The following SI variants were observed in gnomAD, a reference collection of about 807,000 sequenced individuals.
SI encodes sucrase-isomaltase, intestinal.
In SI, 235 loss-of-function variants were observed where a neutral mutation model predicts 253.3. The observed-to-expected ratio is 0.93, with a 90% CI of 0.83 to 1.03. SI has a LOEUF of 1.03. SI is among the 50% of genes least tolerant of loss of function. The pLI is 0.00. For synonymous variants in SI, 819 were observed against 712.0 expected, an observed-to-expected ratio of 1.15 and a Z score of -2.39; for missense variants, 2,442 against 2,211.1, an observed-to-expected ratio of 1.10 and a Z score of -2.09.
chr3:165,049,942 C>G, intron 13 of SI, 67 bp from the exon 14 acceptor site: 1 of 999,186 alleles, frequency 1.0e-6, no homozygotes, highest in Non-Finnish European at 1.6e-6. Flanking sequence ...CAGAAACTCT[C>G]TAGTTGTTTG....
chr3:165,060,839 A>G (rs978382681), intron 9 of SI, among the ~76,000 whole-genome samples: 1 of 146,520 alleles, frequency 6.8e-6, no homozygotes, highest in Admixed American at 6.9e-5. Context: ...ATATATATAC[A>G]TATATATCTG....
chr3:165,079,821 A>G (rs574983609), upstream of SI, among the ~76,000 whole-genome samples: 92 of 151,870 alleles, frequency 6.1e-4, 1 homozygote, highest in Admixed American at 1.2e-3. Flanking sequence ...GTTGATAGAT[A>G]GCTAGATTAT....
chr3:165,059,107 A>G, intron 11 of SI, 25 bp from the exon 12 acceptor site: 1 of 1,586,654 alleles, frequency 6.3e-7, no homozygotes, highest in South Asian at 1.1e-5. Context: ...CAGAAACTGC[A>G]AAATCTATTA....
intron 9 of SI, among the ~76,000 whole-genome samples, chr3:165,060,352 G>T (rs1713926312): frequency 6.6e-6 from 1 of 151,816 alleles, no homozygotes; most frequent in African/African-American, 2.4e-5. Context: ...TACAAGAAAA[G>T]CAACAAATAA....
At chr3:165,046,487 G>A (rs1413868930) in intron 16 of SI, among the ~76,000 whole-genome samples, 1 of 151,712 alleles carries the variant, frequency 6.6e-6, no homozygotes, top group African/African-American at 2.4e-5. Flanking sequence ...ATTTTAAGTA[G>A]ACTTAGACTT....
intron 34 of SI, among the ~76,000 whole-genome samples, chr3:165,010,832 G>A (rs554913070): frequency 6.6e-6 from 1 of 152,252 alleles, no homozygotes; most frequent in South Asian, 2.1e-4. Flanking sequence ...AATTGACACT[G>A]TCCTCCAACA....
chr3:165,010,282 C>T (rs1359914884), intron 34 of SI, among the ~76,000 whole-genome samples: 41 of 152,080 alleles, frequency 2.7e-4, no homozygotes. Context: ...GCCTCAGCCT[C>T]CAGAGTAGGT....
the SI span, among the ~76,000 whole-genome samples, chr3:165,089,015 A>G: frequency 3.2e-4 from 49 of 151,900 alleles, no homozygotes; most frequent in Non-Finnish European, 5.9e-4. Context: ...CCCACATTCA[A>G]ATGAACTTTT....
chr3:164,993,494 G>A (rs1333339602), intron 41 of SI, among the ~76,000 whole-genome samples: 1 of 151,526 alleles, frequency 6.6e-6, no homozygotes, highest in Non-Finnish European at 1.5e-5. Context: ...GTAAATATTT[G>A]CCTTTTTTAA....
intron 47 of SI, among the ~76,000 whole-genome samples, chr3:164,981,795 C>T (rs764810143): frequency 2.1e-4 from 32 of 152,186 alleles, no homozygotes; most frequent in Admixed American, 3.9e-4. Flanking sequence ...GATGCTTTAA[C>T]GCAAGAATCC....
chr3:164,982,145 A>G (rs1717217492), intron 47 of SI, 98 bp downstream of exon 47: 3 of 835,934 alleles, frequency 3.6e-6, no homozygotes. Flanking sequence ...GTCATAATTG[A>G]CTCATAATTA....
chr3:164,999,790 T>C (rs1038013686), intron 37 of SI, among the ~76,000 whole-genome samples: 2 of 151,610 alleles, frequency 1.3e-5, no homozygotes, highest in African/African-American at 4.8e-5. Context: ...AAGTCAAAAG[T>C]GCAAGCAACT....
chr3:165,060,024 C>T lies in SI; in HGVS notation c.1024G>A (p.Val342Ile). 2 of 1,611,354 alleles carry T rather than the reference C, an allele frequency of 1.2e-6. No individual in the cohort carries two copies. Reference protein sequence around the residue: ...EQVVQQYQQLVGLPAMPAYWN... With the variant: ...EQVVQQYQQLIGLPAMPAYWN... Reference sequence around the variant, plus strand: ...TATGCTGGCATTGCTGGTAGTCCAACAAGCTTAAAGTAAATGAGCATGTAA... The same window carrying T: ...TATGCTGGCATTGCTGGTAGTCCAATAAGCTTAAAGTAAATGAGCATGTAA... The change falls in exon 10 of 48, where the codon GTT becomes ATT. Residue 342 changes from valine (V) to isoleucine (I), a missense_variant. Val to Ile is a conservative substitution (Grantham distance 29, BLOSUM62 3). Coordinates refer to ENST00000264382, the MANE Select transcript of SI (RefSeq NM_001041.4).
chr3:165,075,695 G>T (rs1446963569), intron 2 of SI, among the ~76,000 whole-genome samples, 200 bp downstream of exon 2: 1 of 151,850 alleles, frequency 6.6e-6, no homozygotes, highest in Non-Finnish European at 1.5e-5. Flanking sequence ...AAAGCACATG[G>T]ATTCCTTACT....
chr3:165,065,022 A>G (rs1714167650), intron 7 of SI, among the ~76,000 whole-genome samples: 1 of 152,012 alleles, frequency 6.6e-6, no homozygotes, highest in Non-Finnish European at 1.5e-5. Context: ...ATGAAAGTCA[A>G]AATAAAACAT....
intron 27 of SI, among the ~76,000 whole-genome samples, chr3:165,020,259 CTTCCT>C (rs1318092758): frequency 6.6e-6 from 1 of 151,504 alleles, no homozygotes; most frequent in African/African-American, 2.4e-5. Context: ...TTGTGTTTTT[CTTCCT>C]TTATTTTATG....
intron 23 of SI, 79 bp from the exon 24 acceptor site, chr3:165,032,771 A>C: frequency 1.1e-6 from 1 of 928,474 alleles, no homozygotes; most frequent in Non-Finnish European, 1.7e-6. Flanking sequence ...AAGAAATAGC[A>C]AAAAAAGGTC....
chr3:165,038,718 A>C lies in SI; in HGVS notation c.2301+360T>G, dbSNP rs193062660. ...AAAAACAAATATATAAGACTAGCTC[A>C]GTACTCAAGTCTTCTGGCAATAAGA... On this transcript the variant is annotated intron_variant, in intron 20 of 47. Coordinates refer to ENST00000264382, the MANE Select transcript of SI (RefSeq NM_001041.4). Among the ~76,000 whole-genome samples the C allele has an allele frequency of 2.0e-3, 306 of 152,190 alleles. 1 individual carries two copies. Among genetic ancestry groups the C allele is most frequent in the Non-Finnish European group, 2.4e-3 (160 of 67,990 alleles).
chr3:165,052,041 C>G (rs1576911033), intron 13 of SI, among the ~76,000 whole-genome samples: 1 of 151,864 alleles, frequency 6.6e-6, no homozygotes, highest in African/African-American at 2.4e-5. Context: ...CCATATTTTA[C>G]ATAATACATG....
Sources: allele counts gnomAD v4.1 joint callset (sites outside exome capture counted in the v4.1 genomes callset), GRCh38; gene constraint gnomAD v4.1.1; transcripts MANE v1.5; gene names NCBI Gene and HGNC (gene_info 2026-07-23, HGNC 2026-07-21).